Variants in PPP2R1B observed in about 807,000 individuals in gnomAD.
PPP2R1B encodes the protein protein phosphatase 2 scaffold subunit Abeta.
PPP2R1B carries 58 observed loss-of-function variants against 72.7 expected under a neutral mutation model. The observed-to-expected ratio is 0.80, with a 90% CI of 0.65 to 0.99. PPP2R1B has a LOEUF of 0.99. Among genes scored for constraint, PPP2R1B ranks in the 50% least tolerant of loss-of-function variants. The pLI, the probability that PPP2R1B is intolerant of heterozygous loss-of-function variation, is 0.00. For synonymous variants in PPP2R1B, 256 were observed against 264.6 expected (o/e 0.97, Z 0.32); for missense variants, 695 against 733.6 (o/e 0.95, Z 0.61).
At chr11:111,727,166 C>T in intron 15 of PPP2R1B, 3 of 854,024 alleles carry the variant, frequency 3.5e-6, no homozygotes, top group Middle Eastern at 3.4e-4. Context: ...GCCTGCACTG[C>T]CTTCTGTCAC....
At chr11:111,765,871 C>A (rs1186478808) in intron 1 of PPP2R1B, 5 of 486,850 alleles carry the variant, frequency 1.0e-5, no homozygotes, top group South Asian at 7.7e-5. Flanking sequence ...GGGCATCCTG[C>A]GCCCCTCAGC....
intron 5 of PPP2R1B, 84 bp downstream of exon 5, chr11:111,759,720 A>T: frequency 7.0e-7 from 1 of 1,428,850 alleles, no homozygotes; most frequent in Non-Finnish European, 9.4e-7. Flanking sequence ...TCCTAACAAG[A>T]AAACTAAAAC....
At chr11:111,746,015 G>A (rs1158841099) in intron 11 of PPP2R1B, among the ~76,000 whole-genome samples, 1 of 152,194 alleles carries the variant, frequency 6.6e-6, no homozygotes, top group Non-Finnish European at 1.5e-5. Flanking sequence ...ATAAACAAGG[G>A]TTTCTCCTGC....
In PPP2R1B at chr11:111,755,277, TAAA is replaced by T; in HGVS notation, c.843+15_843+17del. On this transcript the variant is annotated intron_variant, in intron 6 of 14. Transcript: ENST00000527614. ...TTTTCAGGTTTATTTCCTTAGTACT[TAAA>T]AATGATCACTTTACCTCTGAAAATC... 6.3e-7 allele frequency: 1 copy of T among 1,592,234 alleles called. No homozygotes were observed. The highest frequency in any genetic ancestry group is 8.5e-7 in the Non-Finnish European group (1 of 1,172,490).
Position 111,738,372 on chromosome 11 carries a change from C to G in PPP2R1B, c.*3224G>C. On this transcript the variant is annotated 3_prime_UTR_variant, in exon 15 of 15. Coordinates refer to ENST00000527614, the MANE Select transcript of PPP2R1B (RefSeq NM_002716.5). ...GTTTGGCCACCCTGCCCTGCCATCG[C>G]CACAGGGACAGAGCCAATGTGACGT... The G allele has an allele frequency of 1.0e-6, 1 of 985,550 alleles. No homozygotes were observed. The highest frequency in any genetic ancestry group is 1.2e-6 in the Non-Finnish European group (1 of 829,998). 61.1% of individuals were successfully genotyped at this position (985,550 alleles called of 1,614,324 possible).
intron 10 of PPP2R1B, among the ~76,000 whole-genome samples, chr11:111,749,860 AC>A (rs1944838832): frequency 6.6e-6 from 1 of 152,184 alleles, no homozygotes; most frequent in East Asian, 1.9e-4. Flanking sequence ...AGAGCTAGCA[AC>A]CCTGGGAAAC....
At chr11:111,753,095 C>T (rs940166017) in intron 9 of PPP2R1B, among the ~76,000 whole-genome samples, 33 of 152,206 alleles carry the variant, frequency 2.2e-4, no homozygotes, top group African/African-American at 7.2e-4. Flanking sequence ...AGTAATTACT[C>T]AGTAAATATT....
intron 7 of PPP2R1B, 56 bp downstream of exon 7, chr11:111,754,923 CA>C: frequency 5.5e-6 from 8 of 1,460,622 alleles, no homozygotes; most frequent in East Asian, 2.3e-5. Context: ...AATTGACTAA[CA>C]AAAAAATGCA....
chr11:111,748,560 G>A (rs1944787019), intron 10 of PPP2R1B, among the ~76,000 whole-genome samples: 1 of 152,240 alleles, frequency 6.6e-6, no homozygotes, highest in African/African-American at 2.4e-5. Context: ...CCCAGGCATG[G>A]CTTGCTCTCC....
chr11:111,739,885 G>C lies in PPP2R1B; in HGVS notation c.*1711C>G. 1 of 980,858 alleles carries C rather than the reference G, an allele frequency of 1.0e-6. No homozygotes were observed. Among genetic ancestry groups the C allele is most frequent in the Non-Finnish European group, 1.2e-6 (1 of 825,822 alleles). 60.8% of individuals were successfully genotyped at this position (980,858 alleles called of 1,614,324 possible). ...ATTCTTGGCCCAAAGTCATAAAATA[G>C]AAACTTACTATAAGGTAATTTGGCA... is the stretch of plus-strand genomic sequence containing the variant. On this transcript the variant is annotated 3_prime_UTR_variant, in exon 15 of 15. Coordinates refer to ENST00000527614, the MANE Select transcript of PPP2R1B (RefSeq NM_002716.5).
chr11:111,705,837 TAGAGA>T, the PPP2R1B span, among the ~76,000 whole-genome samples: 2 of 152,144 alleles, frequency 1.3e-5, no homozygotes, highest in Non-Finnish European at 2.9e-5. The surrounding 1 kb of genome is among the most constrained non-coding windows in gnomAD (Gnocchi z 4.3). Flanking sequence ...ATGGGTCAGA[TAGAGA>T]AAAGAAGAAA....
chr11:111,701,923 A>AT, the PPP2R1B span, among the ~76,000 whole-genome samples: 1 of 152,280 alleles, frequency 6.6e-6, no homozygotes, highest in African/African-American at 2.4e-5. This position sits in a 1 kb window ranked among gnomAD's most constrained non-coding sequence, Gnocchi z 4.2. Context: ...TAAAATTAAA[A>AT]TTTTTTTAAT....
rs1337878133 is a variant in PPP2R1B at position 111,740,602 on chromosome 11, A to G, written c.*994T>C. 5 of 985,192 alleles carry G rather than the reference A, an allele frequency of 5.1e-6. No individual in the cohort carries two copies. In the African/African-American group the frequency reaches 8.7e-5, roughly 17 times the overall value. The allele number at this position is 985,192 out of a possible 1,614,324, so 61.0% of individuals were successfully genotyped here. A position where few individuals can be genotyped will look rare whatever the true frequency, so the allele number is the denominator to read the frequency against. On this transcript the variant is annotated 3_prime_UTR_variant, in exon 15 of 15. Transcript: ENST00000527614. Reference sequence around the variant, plus strand: ...AGAATTAATGAGGTTTTACTGTAAAAGTAGAAAAGCAAACACTTCAAATGA... The same window carrying G: ...AGAATTAATGAGGTTTTACTGTAAAGGTAGAAAAGCAAACACTTCAAATGA...
chr11:111,690,810 T>C, the PPP2R1B span, among the ~76,000 whole-genome samples: 1 of 152,220 alleles, frequency 6.6e-6, no homozygotes, highest in Non-Finnish European at 1.5e-5. Context: ...TATGTCTGCG[T>C]AGTATTCCAT....
chr11:111,741,869 A>T, intron 14 of PPP2R1B, 184 bp downstream of exon 14: 1 of 727,768 alleles, frequency 1.4e-6, no homozygotes, highest in South Asian at 1.6e-5. Flanking sequence ...TAGCCTGCTC[A>T]CTTATGAGAA....
chr11:111,714,217 T>C, the PPP2R1B span, among the ~76,000 whole-genome samples: 1 of 152,070 alleles, frequency 6.6e-6, no homozygotes, highest in Non-Finnish European at 1.5e-5. Context: ...AGGGTTCAGA[T>C]GGTCTGAGGA....
In PPP2R1B at chr11:111,738,375, C is replaced by G. The variant is rs1944403432; in HGVS notation, c.*3221G>C. The G allele has an allele frequency of 1.0e-6, 1 of 985,442 alleles. No individual in the cohort carries two copies. The highest frequency in any genetic ancestry group is 1.2e-6 in the Non-Finnish European group (1 of 830,006). The allele number at this position is 985,442 out of a possible 1,614,324, so 61.0% of individuals were successfully genotyped here. ...TGGCCACCCTGCCCTGCCATCGCCA[C>G]AGGGACAGAGCCAATGTGACGTCTA... On this transcript the variant is annotated 3_prime_UTR_variant, in exon 15 of 15. Transcript: ENST00000527614.
the PPP2R1B span, among the ~76,000 whole-genome samples, chr11:111,716,977 C>G: frequency 6.6e-6 from 1 of 152,108 alleles, no homozygotes; most frequent in South Asian, 2.1e-4. Flanking sequence ...AGAACAGACA[C>G]TTCTGAAAAG....
At chr11:111,726,249 T>C (rs937330308), downstream of PPP2R1B, 2 of 152,218 alleles carry the variant, frequency 1.3e-5, no homozygotes, top group African/African-American at 4.8e-5. Flanking sequence ...AGGAATGGTG[T>C]AGTTACAGAT....
Sources: gnomAD v4.1 joint callset for allele counts (sites outside exome capture counted in the v4.1 genomes callset) on GRCh38, gnomAD v4.1.1 for gene constraint, Gnocchi (gnomAD v3.1) non-coding constraint, MANE v1.5 for transcripts, NCBI Gene and HGNC (gene_info 2026-07-23, HGNC 2026-07-21) for gene names.